Variants in FSTL5 observed in about 807,000 individuals in gnomAD.
The protein encoded by FSTL5 is follistatin like 5.
FSTL5 carries 62 observed loss-of-function variants against 89.1 expected under a neutral mutation model. The observed-to-expected ratio is 0.70, with a 90% CI of 0.57 to 0.86. FSTL5 has a LOEUF of 0.86. FSTL5 is among the 40% of genes least tolerant of loss of function. The probability of loss-of-function intolerance (pLI) is 0.00; values close to 1 mark genes in which losing one functional copy is unlikely to be tolerated. For synonymous variants in FSTL5, 383 were observed against 346.2 expected (o/e 1.11, Z -1.18); for missense variants, 1,057 against 1,001.6 (o/e 1.06, Z -0.75).
rs1356853887 is a variant in FSTL5 at position 162,019,471 on chromosome 4, A to G, written c.160+14154T>C. On this transcript the variant is annotated intron_variant, in intron 3 of 15. Coordinates refer to ENST00000306100, the MANE Select transcript of FSTL5 (RefSeq NM_020116.5). ...AGAATATATTTCCTATTATTTATAC[A>G]TAGAACATGGTGGAATGTAATTAAT... Among the ~76,000 whole-genome samples the G allele has an allele frequency of 3.3e-5, 5 of 152,190 alleles. No homozygotes were observed. In the East Asian group the frequency reaches 7.7e-4, roughly 23 times the overall value.
At chr4:162,138,014 T>TG (rs1732583782) in intron 1 of FSTL5, among the ~76,000 whole-genome samples, 1 of 151,740 alleles carries the variant, frequency 6.6e-6, no homozygotes, top group Admixed American at 6.6e-5. Flanking sequence ...GGTGGGAAGG[T>TG]GGGGTATGAG....
At chr4:161,471,071 T>C (rs2126433843) in intron 13 of FSTL5, among the ~76,000 whole-genome samples, 1 of 152,356 alleles carries the variant, frequency 6.6e-6, no homozygotes, top group South Asian at 2.1e-4. Context: ...CTTTTATTCA[T>C]CTTTCTAGCC....
intron 1 of FSTL5, among the ~76,000 whole-genome samples, chr4:162,130,496 A>G (rs981781941): frequency 6.6e-6 from 1 of 152,206 alleles, no homozygotes; most frequent in Non-Finnish European, 1.5e-5. Context: ...CTATTAGTCT[A>G]TATTAAATAA....
chr4:161,602,499 G>A (rs1201163702), intron 7 of FSTL5, among the ~76,000 whole-genome samples: 4 of 151,510 alleles, frequency 2.6e-5, no homozygotes, highest in Non-Finnish European at 5.9e-5. Flanking sequence ...ACCAAAAGAG[G>A]GAAAATAGAG....
At chr4:161,738,240 C>T (rs1207505658) in intron 6 of FSTL5, among the ~76,000 whole-genome samples, 1 of 152,000 alleles carries the variant, frequency 6.6e-6, no homozygotes, top group Non-Finnish European at 1.5e-5. Flanking sequence ...GGAGATGGCT[C>T]ATTAAACAAA....
At chr4:161,971,774 C>G (rs756591618) in intron 3 of FSTL5, among the ~76,000 whole-genome samples, 3 of 152,012 alleles carry the variant, frequency 2.0e-5, no homozygotes, top group Non-Finnish European at 2.9e-5. Flanking sequence ...CCCCAAAATC[C>G]AAACAAACAA....
chr4:161,719,678 G>A (rs940905519), intron 6 of FSTL5, among the ~76,000 whole-genome samples: 1 of 151,832 alleles, frequency 6.6e-6, no homozygotes, highest in African/African-American at 2.4e-5. Flanking sequence ...ATGGTTTTTG[G>A]TGTACAAGTC....
At chr4:161,389,784 C>G (rs993937483) in intron 15 of FSTL5, among the ~76,000 whole-genome samples, 4 of 152,178 alleles carry the variant, frequency 2.6e-5, no homozygotes, top group African/African-American at 9.6e-5. Flanking sequence ...ATAGAAACTG[C>G]CAGTCCTTTA....
chr4:161,579,257 AAT>A (rs1212628360), intron 8 of FSTL5, among the ~76,000 whole-genome samples: 1 of 152,178 alleles, frequency 6.6e-6, no homozygotes, highest in Non-Finnish European at 1.5e-5. Flanking sequence ...ATTATTTAAA[AAT>A]ACATGACAAT....
At chr4:161,625,981 C>T (rs942743824) in intron 7 of FSTL5, among the ~76,000 whole-genome samples, 4 of 151,960 alleles carry the variant, frequency 2.6e-5, no homozygotes, top group Non-Finnish European at 4.4e-5. Context: ...TATATGAAAG[C>T]ACAGAGAAAA....
chr4:161,911,551 T>C (rs144055283), intron 4 of FSTL5, among the ~76,000 whole-genome samples: 7 of 152,224 alleles, frequency 4.6e-5, no homozygotes, highest in African/African-American at 1.4e-4. Context: ...AATTCACACA[T>C]TGACTAAAGG....
chr4:161,466,114 T>C (rs1733740380), intron 13 of FSTL5, among the ~76,000 whole-genome samples: 1 of 152,210 alleles, frequency 6.6e-6, no homozygotes, highest in Non-Finnish European at 1.5e-5. Context: ...AAGTGATTTG[T>C]TGTAGCTTTA....
chr4:162,072,854 G>A (rs1370427878), intron 2 of FSTL5, among the ~76,000 whole-genome samples: 1 of 151,776 alleles, frequency 6.6e-6, no homozygotes, highest in African/African-American at 2.4e-5. Flanking sequence ...CCTAATTGGG[G>A]TGGACCTCAA....
rs1732850929 is a variant in FSTL5, at chr4:161,443,662, A to T, written c.1841+11342T>A. 6.6e-5 allele frequency among the ~76,000 whole-genome samples: 10 copies of T among 151,998 alleles called. 1 individual carries two copies. The highest frequency in any genetic ancestry group is 6.6e-4 in the Admixed American group (10 of 15,226). On this transcript the variant is annotated intron_variant, in intron 15 of 15. Transcript: ENST00000306100. The stretch of plus-strand genomic sequence containing the variant: ...GTAAGGTTGAATGCCTTCAACACAA[A>T]GTAAATTCTGAGAGCGGTGCTGTCT...
At chr4:161,900,576 T>C (rs575548811) in intron 4 of FSTL5, among the ~76,000 whole-genome samples, 2 of 135,508 alleles carry the variant, frequency 1.5e-5, no homozygotes, top group African/African-American at 2.8e-5. Flanking sequence ...GAGGCGGAGG[T>C]TGCAGTAAGT....
intron 7 of FSTL5, among the ~76,000 whole-genome samples, chr4:161,603,229 G>A (rs1485500336): frequency 6.6e-6 from 1 of 152,086 alleles, no homozygotes; most frequent in Non-Finnish European, 1.5e-5. Context: ...TTGCAATCAA[G>A]TGAATATGGC....
intron 9 of FSTL5, among the ~76,000 whole-genome samples, chr4:161,539,027 G>A (rs564355602): frequency 3.9e-5 from 6 of 152,046 alleles, no homozygotes; most frequent in Non-Finnish European, 8.8e-5. Flanking sequence ...GCCTGCCTTG[G>A]CCTACCAAAG....
At chr4:161,499,278 C>A (rs949073124) in intron 12 of FSTL5, among the ~76,000 whole-genome samples, 1 of 151,984 alleles carries the variant, frequency 6.6e-6, no homozygotes, top group African/African-American at 2.4e-5. Context: ...ATAACTTAAC[C>A]AAAATGGTAA....
At chr4:162,133,822 A>G (rs1396445186) in intron 1 of FSTL5, among the ~76,000 whole-genome samples, 3 of 152,228 alleles carry the variant, frequency 2.0e-5, no homozygotes, top group African/African-American at 7.2e-5. Flanking sequence ...AGATCTTAGC[A>G]TACATTTAGA....
Sources: gnomAD v4.1 joint callset for allele counts (sites outside exome capture counted in the v4.1 genomes callset) on GRCh38, gnomAD v4.1.1 for gene constraint, MANE v1.5 for transcripts, NCBI Gene and HGNC (gene_info 2026-07-23, HGNC 2026-07-21) for gene names.